CORO2B: variants seen among roughly 807,000 people sequenced by gnomAD.
The protein encoded by CORO2B is coronin 2B.
CORO2B carries 26 observed loss-of-function variants against 58.8 expected under a neutral mutation model. The observed-to-expected ratio is 0.44, with a 90% CI of 0.32 to 0.61. The LOEUF is 0.61. CORO2B is among the 20% of genes least tolerant of loss of function. The probability of loss-of-function intolerance (pLI) is 0.04; values close to 1 mark genes in which losing one functional copy is unlikely to be tolerated. For synonymous variants in CORO2B, 242 were observed against 253.8 expected (o/e 0.95, Z 0.44); for missense variants, 460 against 645.1 (o/e 0.71, Z 3.11).
At chr15:68,714,707 C>A (rs901906602) in intron 7 of CORO2B, 44 bp downstream of exon 7, 1 of 1,469,922 alleles carries the variant, frequency 6.8e-7, no homozygotes, top group Non-Finnish European at 9.5e-7. Flanking sequence ...TGTGGGAGAG[C>A]CCTACCCTCA....
intron 1 of CORO2B, among the ~76,000 whole-genome samples, chr15:68,585,763 G>C (rs530994045): frequency 1.8e-3 from 281 of 152,314 alleles, no homozygotes; most frequent in Non-Finnish European, 3.2e-3. Context: ...GTCCTGCTTA[G>C]ATTTGCCTGT....
intron 3 of CORO2B, among the ~76,000 whole-genome samples, chr15:68,697,620 G>T (rs965372679): frequency 5.3e-5 from 8 of 152,178 alleles, no homozygotes; most frequent in African/African-American, 1.9e-4. Flanking sequence ...TGGGAGCAGA[G>T]AGAGCAAGAG....
At chr15:68,660,382 C>G (rs140182220) in intron 2 of CORO2B, among the ~76,000 whole-genome samples, 2 of 152,040 alleles carry the variant, frequency 1.3e-5, no homozygotes, top group African/African-American at 4.8e-5. Context: ...AGATTCATAT[C>G]TTTTTTTTGG....
intron 1 of CORO2B, among the ~76,000 whole-genome samples, chr15:68,588,579 C>T (rs970849793): frequency 1.3e-5 from 2 of 152,184 alleles, no homozygotes; most frequent in African/African-American, 2.4e-5. Flanking sequence ...GACCAGGTTC[C>T]CACTGTCAAA....
chr15:68,719,571 T>C lies in CORO2B; in HGVS notation c.1311+19T>C, dbSNP rs1361526401. On this transcript the variant is annotated intron_variant, in intron 11 of 11. Coordinates refer to ENST00000261861, the MANE Select transcript of CORO2B (RefSeq NM_006091.5). The stretch of plus-strand genomic sequence containing the variant: ...GAATGAGGTAAGGAATGTAAGTTAT[T>C]ACCTCCACAGGCCCTGGAAGAGCAA... 6.2e-7 allele frequency: 1 copy of C among 1,608,922 alleles called. No individual in the cohort carries two copies. Among genetic ancestry groups the C allele is most frequent in the Non-Finnish European group, 8.5e-7 (1 of 1,178,180 alleles).
At chr15:68,541,522 C>T in the CORO2B span, among the ~76,000 whole-genome samples, 12 of 147,376 alleles carry the variant, frequency 8.1e-5, no homozygotes, top group African/African-American at 3.3e-4. Flanking sequence ...AAGCTGAACT[C>T]GAAGGAATCT....
At chr15:68,584,199 A>G (rs1226151323) in intron 1 of CORO2B, among the ~76,000 whole-genome samples, 18 of 152,194 alleles carry the variant, frequency 1.2e-4, no homozygotes, top group African/African-American at 4.1e-4. Context: ...TTGCCTGCAT[A>G]CTGTAAGTGC....
intron 10 of CORO2B, 30 bp downstream of exon 10, chr15:68,719,264 A>C (rs970255985): frequency 6.2e-7 from 1 of 1,608,374 alleles, no homozygotes; most frequent in African/African-American, 1.3e-5. Context: ...CACAGAGCAC[A>C]GGCGGCTGCA....
At chr15:68,629,142 G>A (rs1486714612) in intron 1 of CORO2B, among the ~76,000 whole-genome samples, 2 of 152,382 alleles carry the variant, frequency 1.3e-5, no homozygotes, top group East Asian at 1.9e-4. Flanking sequence ...GTTTTGCAAA[G>A]TTGTTGCCCC....
chr15:68,579,168 G>C lies in CORO2B; in HGVS notation c.-95G>C. The C allele has an allele frequency of 1.0e-6, 1 of 981,320 alleles. No individual in the cohort carries two copies. Among genetic ancestry groups the C allele is most frequent in the African/African-American group, 1.8e-5 (1 of 56,634 alleles). 60.8% of individuals were successfully genotyped at this position (981,320 alleles called of 1,614,324 possible). A position where few individuals can be genotyped will look rare whatever the true frequency, so the allele number is the denominator to read the frequency against. On this transcript the variant is annotated 5_prime_UTR_variant, in exon 1 of 12. Transcript: ENST00000261861. The stretch of plus-strand genomic sequence containing the variant: ...GCCGGCGGGGCGCGGGGAGCGAGCC[G>C]GGAGCTGCCGGACCCCCTTCCGCCG...
the CORO2B span, among the ~76,000 whole-genome samples, chr15:68,560,555 T>C: frequency 6.6e-6 from 1 of 152,170 alleles, no homozygotes; most frequent in Non-Finnish European, 1.5e-5. Flanking sequence ...TGCCTCCGTT[T>C]CCCAAAGTGT....
chr15:68,557,259 G>A, the CORO2B span, among the ~76,000 whole-genome samples: 77 of 152,330 alleles, frequency 5.1e-4, 1 homozygote, highest in South Asian at 0.014. Flanking sequence ...GAAGGGTTAA[G>A]GTTCAGGGGC....
chr15:68,519,018 G>C, the CORO2B span, among the ~76,000 whole-genome samples: 1 of 152,192 alleles, frequency 6.6e-6, no homozygotes, highest in South Asian at 2.1e-4. Flanking sequence ...GAGCAAAGCA[G>C]AGTATGCACG....
chr15:68,713,594 G>T (rs1892967436), intron 5 of CORO2B, among the ~76,000 whole-genome samples: 1 of 152,160 alleles, frequency 6.6e-6, no homozygotes, highest in Admixed American at 6.5e-5. Context: ...GCCTCTTCTG[G>T]GGGTTGCCGG....
At chr15:68,724,650 TTAAG>T (rs1296743395) in intron 11 of CORO2B, among the ~76,000 whole-genome samples, 1 of 152,234 alleles carries the variant, frequency 6.6e-6, no homozygotes, top group African/African-American at 2.4e-5. Flanking sequence ...AAGCATTTAA[TTAAG>T]TTTTTATAGA....
chr15:68,523,165 A>G, the CORO2B span, among the ~76,000 whole-genome samples: 4 of 151,912 alleles, frequency 2.6e-5, no homozygotes, highest in Middle Eastern at 3.4e-3. Context: ...AGAAAATCCT[A>G]AATTCTTTCT....
intron 1 of CORO2B, among the ~76,000 whole-genome samples, chr15:68,635,768 T>C (rs1223938941): frequency 2.0e-5 from 3 of 152,134 alleles, no homozygotes; most frequent in Non-Finnish European, 4.4e-5. Flanking sequence ...GTCCTGCAAA[T>C]AGGGGGATGG....
intron 2 of CORO2B, among the ~76,000 whole-genome samples, chr15:68,653,820 C>T (rs559106610): frequency 6.6e-6 from 1 of 151,210 alleles, no homozygotes; most frequent in African/African-American, 2.4e-5. Context: ...ATCACTCCCC[C>T]ACAATCAGCA....
At chr15:68,668,683 T>C (rs1169207263) in intron 2 of CORO2B, among the ~76,000 whole-genome samples, 2 of 152,172 alleles carry the variant, frequency 1.3e-5, no homozygotes, top group Non-Finnish European at 2.9e-5. Context: ...CCAGTTTGGA[T>C]TTTCTTCTAG....
Sources: gnomAD v4.1 joint callset for allele counts (sites outside exome capture counted in the v4.1 genomes callset) on GRCh38, gnomAD v4.1.1 for gene constraint, MANE v1.5 for transcripts, NCBI Gene and HGNC (gene_info 2026-07-23, HGNC 2026-07-21) for gene names.